The following PYM1 variants were observed in gnomAD, a reference collection of about 807,000 sequenced individuals.
PYM1 encodes PYM1 exon junction complex associated factor, also known as partner of Y14 and mago.
PYM1 carries 7 observed loss-of-function variants against 20.7 expected under a neutral mutation model. That is an observed-to-expected ratio of 0.34 (90% CI 0.19 to 0.64). The LOEUF (loss-of-function observed/expected upper bound fraction) is 0.64, where lower values mean the gene tolerates loss of function less well. PYM1 is among the 30% of genes least tolerant of loss of function. The pLI, the probability that PYM1 is intolerant of heterozygous loss-of-function variation, is 0.74. For synonymous variants in PYM1, 100 were observed against 99.2 expected, an observed-to-expected ratio of 1.01 and a Z score of -0.05; for missense variants, 194 against 250.0, an observed-to-expected ratio of 0.78 and a Z score of 1.51.
chr12:55,910,723 C>T (rs889784439), intron 1 of PYM1, among the ~76,000 whole-genome samples: 11 of 152,018 alleles, frequency 7.2e-5, no homozygotes, highest in African/African-American at 1.5e-4. Flanking sequence ...GGATTGCAGG[C>T]GTGAGCCACC....
At chr12:55,902,593 T>G (rs552174847) in intron 2 of PYM1, among the ~76,000 whole-genome samples, 3 of 151,272 alleles carry the variant, frequency 2.0e-5, no homozygotes, top group Admixed American at 2.0e-4. Context: ...TTCTCCTGCC[T>G]CAGCCTCCCG....
chr12:55,918,501 C>T (rs1029584022), intron 1 of PYM1, among the ~76,000 whole-genome samples: 4 of 152,140 alleles, frequency 2.6e-5, no homozygotes, highest in Non-Finnish European at 4.4e-5. Context: ...AGGAGGCTGA[C>T]GTAGGAGGAT....
chr12:55,910,169 A>G (rs1068188), intron 1 of PYM1, among the ~76,000 whole-genome samples: 5,829 of 151,958 alleles, frequency 0.038, 382 homozygotes, highest in African/African-American at 0.13. Flanking sequence ...AGCCAAATAT[A>G]AGTGACCATG....
At chr12:55,902,472 T>A in intron 2 of PYM1, 117 bp from the exon 3 acceptor site, 1 of 1,405,142 alleles carries the variant, frequency 7.1e-7, no homozygotes, top group Non-Finnish European at 9.4e-7. Flanking sequence ...TTTGTTGTTG[T>A]TTTTGTGGGG....
intron 1 of PYM1, among the ~76,000 whole-genome samples, chr12:55,919,226 C>T (rs921462116): frequency 5.9e-5 from 9 of 152,192 alleles, no homozygotes; most frequent in Non-Finnish European, 2.9e-5. Context: ...TGACTCACTG[C>T]AGTCTCCACC....
intron 1 of PYM1, among the ~76,000 whole-genome samples, chr12:55,911,669 T>C (rs1022691481): frequency 1.3e-5 from 2 of 151,626 alleles, no homozygotes; most frequent in African/African-American, 4.8e-5. Flanking sequence ...GGTGAAACGC[T>C]GTCTCTAGTA....
chr12:55,927,026 C>G, intron 1 of PYM1: 1 of 1,486,286 alleles, frequency 6.7e-7, no homozygotes, highest in Admixed American at 2.4e-5. Flanking sequence ...AAGTCCGAAC[C>G]CCTGCCCCGA....
intron 1 of PYM1, chr12:55,927,464 G>A (rs1228894038): frequency 8.7e-6 from 6 of 692,878 alleles, no homozygotes; most frequent in Non-Finnish European, 1.5e-5. Context: ...CCCAAAAAGG[G>A]GGCCTTATAA....
At chr12:55,920,685 G>GA (rs1883083642) in intron 1 of PYM1, among the ~76,000 whole-genome samples, 1 of 150,320 alleles carries the variant, frequency 6.7e-6, no homozygotes, top group Non-Finnish European at 1.5e-5. Flanking sequence ...CCTAAATGCC[G>GA]AAAAAGATGC....
chr12:55,922,951 C>T (rs555051975), intron 1 of PYM1, among the ~76,000 whole-genome samples: 15 of 152,248 alleles, frequency 9.9e-5, no homozygotes, highest in African/African-American at 2.6e-4. Flanking sequence ...AAAGGCTGGG[C>T]GCAGTGGCTC....
At position 55,927,692 on chromosome 12, in the gene PYM1, C is replaced by T. The variant is rs115873921; in HGVS notation, c.37+33G>A. The T allele has an allele frequency of 7.0e-4, 1,074 of 1,538,650 alleles. 8 individuals carry two copies. In the African/African-American group the frequency reaches 0.014, roughly 20 times the overall value. ...AACCACCAGAGACCCGCGGGAGGGG[C>T]GTGCAAGGCGGAGGGCGCCGCGGGT... On this transcript the variant is annotated intron_variant, in intron 1 of 2. Coordinates refer to ENST00000408946, the MANE Select transcript of PYM1 (RefSeq NM_032345.3).
intron 1 of PYM1, among the ~76,000 whole-genome samples, chr12:55,918,686 G>A (rs945817049): frequency 8.5e-5 from 13 of 152,070 alleles, no homozygotes; most frequent in African/African-American, 2.4e-4. Context: ...TGGCCAACAC[G>A]GTGAAACCCC....
chr12:55,919,759 G>T (rs1883066931), intron 1 of PYM1, among the ~76,000 whole-genome samples: 1 of 151,956 alleles, frequency 6.6e-6, no homozygotes, highest in South Asian at 2.1e-4. Flanking sequence ...AAATAGCTGG[G>T]CATAGTGGTG....
At chr12:55,916,830 G>A (rs1883016358) in intron 1 of PYM1, among the ~76,000 whole-genome samples, 1 of 152,060 alleles carries the variant, frequency 6.6e-6, no homozygotes, top group Non-Finnish European at 1.5e-5. Flanking sequence ...GTAGTCTGAG[G>A]TTGGGCGTGG....
intron 1 of PYM1, among the ~76,000 whole-genome samples, chr12:55,904,186 C>T (rs1052797586): frequency 2.0e-5 from 3 of 151,746 alleles, no homozygotes; most frequent in Non-Finnish European, 2.9e-5. Context: ...AGGCTAGTCT[C>T]GAACTCCTGA....
At chr12:55,914,332 T>C (rs1439621623) in intron 1 of PYM1, 1 of 702,196 alleles carries the variant, frequency 1.4e-6, no homozygotes, top group African/African-American at 1.7e-5. Context: ...AAGGGTGAAG[T>C]CAAAAAGAAG....
intron 1 of PYM1, among the ~76,000 whole-genome samples, chr12:55,906,233 G>A (rs915424425): frequency 6.6e-6 from 1 of 150,884 alleles, no homozygotes; most frequent in Admixed American, 6.6e-5. Context: ...TCCTACTTCG[G>A]TATGCAGCAG....
At chr12:55,927,513 C>A in intron 1 of PYM1, 1 of 692,322 alleles carries the variant, frequency 1.4e-6, no homozygotes, top group Admixed American at 2.5e-5. Flanking sequence ...GGCCTGCACC[C>A]AGATCTCAGA....
intron 1 of PYM1, among the ~76,000 whole-genome samples, chr12:55,917,452 A>T (rs1883027417): frequency 6.6e-6 from 1 of 152,018 alleles, no homozygotes; most frequent in Non-Finnish European, 1.5e-5. Flanking sequence ...ATTAAATAAA[A>T]AGTAGTCTGT....
Sources: gnomAD v4.1 joint callset for allele counts (sites outside exome capture counted in the v4.1 genomes callset) on GRCh38, gnomAD v4.1.1 for gene constraint, MANE v1.5 for transcripts, NCBI Gene and HGNC (gene_info 2026-07-23, HGNC 2026-07-21) for gene names.